The following CSMD1 variants were observed in gnomAD, a reference collection of about 807,000 sequenced individuals.
The protein encoded by CSMD1 is CUB and Sushi multiple domains 1, also known as CUB and sushi domain-containing protein 1.
In CSMD1, 213 loss-of-function variants were observed where a neutral mutation model predicts 417.5. The ratio of observed to expected loss-of-function variants is 0.51; its 90% CI spans 0.46 to 0.57. CSMD1 has a LOEUF of 0.57. Ranked by LOEUF, CSMD1 falls within the 20% of genes least tolerant of loss-of-function variation. The pLI is 0.00. For synonymous variants in CSMD1, 2,862 were observed against 1,736.8 expected (o/e 1.65, Z -16.11); for missense variants, 6,923 against 4,529.7 (o/e 1.53, Z -15.17).
intron 3 of CSMD1, among the ~76,000 whole-genome samples, chr8:4,164,879 A>AG (rs1797365022): frequency 1.2e-5 from 1 of 83,424 alleles, no homozygotes; most frequent in African/African-American, 5.8e-5. Flanking sequence ...TCCATCTCAA[A>AG]GAAAAAAAAA....
intron 3 of CSMD1, among the ~76,000 whole-genome samples, chr8:4,304,392 A>C (rs1229634015): frequency 6.6e-6 from 1 of 152,122 alleles, no homozygotes; most frequent in Non-Finnish European, 1.5e-5. Flanking sequence ...GTAAATAGAG[A>C]AATTATTACC....
chr8:3,211,860 G>A (rs573242331), intron 30 of CSMD1, among the ~76,000 whole-genome samples: 1 of 152,306 alleles, frequency 6.6e-6, no homozygotes, highest in South Asian at 2.1e-4. Context: ...AGAACCACTG[G>A]CATGCACTGC....
chr8:3,678,367 G>T (rs1270277764), intron 7 of CSMD1, among the ~76,000 whole-genome samples: 1 of 152,152 alleles, frequency 6.6e-6, no homozygotes, highest in East Asian at 1.9e-4. Flanking sequence ...TGAAAACCAT[G>T]GCACGGGAAC....
chr8:3,521,405 C>A (rs984665378), intron 10 of CSMD1, among the ~76,000 whole-genome samples: 1 of 152,178 alleles, frequency 6.6e-6, no homozygotes, highest in Non-Finnish European at 1.5e-5. Flanking sequence ...TTCAGTGCCA[C>A]CATTTCCATG....
At chr8:3,173,614 C>G (rs749725999) in intron 37 of CSMD1, among the ~76,000 whole-genome samples, 1 of 152,182 alleles carries the variant, frequency 6.6e-6, no homozygotes, top group African/African-American at 2.4e-5. Context: ...AGTTATTACA[C>G]TATTGGATGA....
intron 12 of CSMD1, among the ~76,000 whole-genome samples, chr8:3,437,012 C>G (rs1814608800): frequency 6.6e-6 from 1 of 152,168 alleles, no homozygotes; most frequent in Admixed American, 6.5e-5. Flanking sequence ...GCTTGAAAAC[C>G]TGGCTTATTG....
At chr8:3,270,250 G>A (rs1454299438) in intron 26 of CSMD1, among the ~76,000 whole-genome samples, 1 of 151,988 alleles carries the variant, frequency 6.6e-6, no homozygotes, top group East Asian at 1.9e-4. Context: ...TAGAGATGGG[G>A]TATCACCATG....
chr8:3,515,363 G>T (rs1305005884), intron 10 of CSMD1: 1 of 152,228 alleles, frequency 6.6e-6, no homozygotes, highest in African/African-American at 2.4e-5. Context: ...CACTGTGCAA[G>T]ATCAACAAAA....
intron 3 of CSMD1, among the ~76,000 whole-genome samples, chr8:4,365,510 G>C (rs984206237): frequency 6.6e-6 from 1 of 152,134 alleles, no homozygotes; most frequent in Admixed American, 6.6e-5. Context: ...ACGAATCCAG[G>C]CGTTGTGATT....
intron 3 of CSMD1, among the ~76,000 whole-genome samples, chr8:4,187,459 C>A (rs985636104): frequency 2.0e-5 from 3 of 152,116 alleles, no homozygotes; most frequent in Non-Finnish European, 4.4e-5. Flanking sequence ...GCCTGATCAA[C>A]ATGGTGAAAC....
intron 2 of CSMD1, among the ~76,000 whole-genome samples, chr8:4,596,983 T>C (rs917034024): frequency 6.6e-6 from 1 of 152,216 alleles, no homozygotes; most frequent in African/African-American, 2.4e-5. Context: ...GAAGTGCCTC[T>C]TTCCTCCCGC....
chr8:3,492,551 T>A (rs17066292), intron 11 of CSMD1, among the ~76,000 whole-genome samples: 79,980 of 152,136 alleles, frequency 0.53, 21,397 homozygotes, highest in Non-Finnish European at 0.57. Context: ...AGAGCAGGTA[T>A]TTCCTTTCTC....
At chr8:4,416,644 A>AC (rs1796957698) in intron 3 of CSMD1, among the ~76,000 whole-genome samples, 1 of 152,088 alleles carries the variant, frequency 6.6e-6, no homozygotes, top group African/African-American at 2.4e-5. Context: ...TATATAAAGT[A>AC]CATCAGAGAG....
chr8:3,942,444 C>G (rs1439391918), intron 5 of CSMD1, among the ~76,000 whole-genome samples: 1 of 152,080 alleles, frequency 6.6e-6, no homozygotes, highest in Non-Finnish European at 1.5e-5. Context: ...CTGAACCACA[C>G]CACACCTGGC....
intron 16 of CSMD1, 35 bp from the exon 17 acceptor site, chr8:3,396,416 C>T (rs1051044769): frequency 2.7e-6 from 4 of 1,456,242 alleles, no homozygotes; most frequent in Admixed American, 2.3e-5. Flanking sequence ...AAAAGACATG[C>T]AGAACTGCCA....
At chr8:3,503,059 C>T (rs1796674497) in intron 10 of CSMD1, among the ~76,000 whole-genome samples, 1 of 152,094 alleles carries the variant, frequency 6.6e-6, no homozygotes, top group South Asian at 2.1e-4. Flanking sequence ...AAAAATAAAA[C>T]CTAATAAATT....
At chr8:4,473,811 T>G (rs58510139) in intron 2 of CSMD1, among the ~76,000 whole-genome samples, 1 of 152,140 alleles carries the variant, frequency 6.6e-6, no homozygotes, top group East Asian at 1.9e-4. Context: ...GACAGAAAAA[T>G]AGAGATAGAA....
Position 4,056,891 on chromosome 8 carries a change from T to C in CSMD1, c.416-24792A>G, listed in dbSNP as rs186383418. The stretch of plus-strand genomic sequence containing the variant: ...CATCATTTTTTATGGCTGCATAGTA[T>C]TCCATAGAGTATATGTGCCACACTT... On this transcript the variant is annotated intron_variant, in intron 3 of 69. Transcript: ENST00000635120. Among the ~76,000 whole-genome samples the C allele has an allele frequency of 1.1e-3, 172 of 152,368 alleles. 2 individuals carry two copies. In the East Asian group the frequency reaches 0.021, roughly 18 times the overall value.
chr8:3,141,682 G>A (rs1478454998), intron 41 of CSMD1, among the ~76,000 whole-genome samples: 1 of 152,074 alleles, frequency 6.6e-6, no homozygotes, highest in Non-Finnish European at 1.5e-5. Context: ...AACCAGTTCT[G>A]CCATCGCACT....
Sources: allele counts gnomAD v4.1 joint callset (sites outside exome capture counted in the v4.1 genomes callset), GRCh38; gene constraint gnomAD v4.1.1; transcripts MANE v1.5; gene names NCBI Gene and HGNC (gene_info 2026-07-23, HGNC 2026-07-21).